CSMD1: variants seen among roughly 807,000 people sequenced by gnomAD.
The protein encoded by CSMD1 is CUB and sushi domain-containing protein 1.
A neutral mutation model predicts 417.5 loss-of-function variants in CSMD1; 213 were observed. The observed-to-expected ratio is 0.51, with a 90% CI of 0.46 to 0.57. The LOEUF (loss-of-function observed/expected upper bound fraction) is 0.57. CSMD1 is among the 20% of genes least tolerant of loss of function. The probability of loss-of-function intolerance (pLI) is 0.00; values close to 1 mark genes in which losing one functional copy is unlikely to be tolerated. For missense variants in CSMD1, 6,923 were observed against 4,529.7 expected, an observed-to-expected ratio of 1.53 and a Z score of -15.17; for synonymous variants, 2,862 against 1,736.8, an observed-to-expected ratio of 1.65 and a Z score of -16.11.
At chr8:4,540,787 C>T (rs1395805992) in intron 2 of CSMD1, among the ~76,000 whole-genome samples, 1 of 152,050 alleles carries the variant, frequency 6.6e-6, no homozygotes, top group Non-Finnish European at 1.5e-5. Flanking sequence ...CAGTGAGGTA[C>T]CTTCTGTTAT....
At chr8:4,745,308 A>T (rs1173876055) in intron 1 of CSMD1, among the ~76,000 whole-genome samples, 1 of 152,204 alleles carries the variant, frequency 6.6e-6, no homozygotes, top group Non-Finnish European at 1.5e-5. Flanking sequence ...CTAATGGATT[A>T]CACTCTGGTT....
At chr8:4,378,802 A>C (rs1040825961) in intron 3 of CSMD1, among the ~76,000 whole-genome samples, 1 of 152,154 alleles carries the variant, frequency 6.6e-6, no homozygotes, top group Admixed American at 6.5e-5. Flanking sequence ...TAAGACGTCA[A>C]GGGAGCTTTT....
intron 2 of CSMD1, among the ~76,000 whole-genome samples, chr8:4,560,166 C>T (rs1798265882): frequency 6.6e-6 from 1 of 152,218 alleles, no homozygotes; most frequent in African/African-American, 2.4e-5. Context: ...CCGCGCTCAT[C>T]TCACCGCACT....
chr8:4,213,151 T>C (rs754241114), intron 3 of CSMD1, among the ~76,000 whole-genome samples: 4 of 152,176 alleles, frequency 2.6e-5, no homozygotes, highest in Non-Finnish European at 5.9e-5. Flanking sequence ...AATTTCTTAC[T>C]AGGATATAAA....
intron 10 of CSMD1, among the ~76,000 whole-genome samples, chr8:3,526,497 A>T (rs1797759941): frequency 6.6e-6 from 1 of 152,176 alleles, no homozygotes; most frequent in African/African-American, 2.4e-5. Flanking sequence ...CTCTGGACCA[A>T]GCATCCTACA....
chr8:3,377,830 G>T (rs1307671069), intron 18 of CSMD1, among the ~76,000 whole-genome samples: 1 of 152,182 alleles, frequency 6.6e-6, no homozygotes, highest in African/African-American at 2.4e-5. Flanking sequence ...AAACTGAACT[G>T]ACTGTATTGA....
At chr8:4,944,701 C>T (rs557133839) in intron 1 of CSMD1, among the ~76,000 whole-genome samples, 3 of 152,170 alleles carry the variant, frequency 2.0e-5, no homozygotes, top group East Asian at 1.9e-4. Flanking sequence ...CTCACACCCA[C>T]GCAGATGACT....
At chr8:4,984,761 A>T (rs926161639) in intron 1 of CSMD1, among the ~76,000 whole-genome samples, 5 of 152,192 alleles carry the variant, frequency 3.3e-5, no homozygotes, top group African/African-American at 1.2e-4. Flanking sequence ...TGAACAGCAG[A>T]AGGAAAAACC....
At chr8:4,439,070 G>T (rs73658901) in intron 2 of CSMD1, among the ~76,000 whole-genome samples, 1 of 152,004 alleles carries the variant, frequency 6.6e-6, no homozygotes, top group Non-Finnish European at 1.5e-5. Context: ...TCTTATTGGC[G>T]CCATCCTATT....
chr8:4,301,463 T>G (rs1286418549), intron 3 of CSMD1, among the ~76,000 whole-genome samples: 1 of 152,198 alleles, frequency 6.6e-6, no homozygotes, highest in Admixed American at 6.5e-5. Flanking sequence ...GAGACCAGAG[T>G]GGTCCAGGAT....
chr8:3,973,323 C>G (rs144084026), intron 5 of CSMD1, among the ~76,000 whole-genome samples: 144 of 152,258 alleles, frequency 9.5e-4, no homozygotes, highest in Non-Finnish European at 1.6e-3. Flanking sequence ...AGTTGAATGT[C>G]TGCACTCTGC....
intron 3 of CSMD1, among the ~76,000 whole-genome samples, chr8:4,282,164 T>G (rs1796819897): frequency 1.3e-5 from 2 of 152,222 alleles, no homozygotes; most frequent in African/African-American, 4.8e-5. Context: ...GATTTCAAAA[T>G]AACTTCTGAA....
intron 5 of CSMD1, among the ~76,000 whole-genome samples, chr8:3,991,663 G>A (rs914949543): frequency 6.6e-6 from 1 of 152,170 alleles, no homozygotes; most frequent in African/African-American, 2.4e-5. Context: ...CACTAAGGCA[G>A]AAGGTTGCTG....
At chr8:3,194,910 G>C (rs1253736101) in intron 33 of CSMD1, among the ~76,000 whole-genome samples, 3 of 152,122 alleles carry the variant, frequency 2.0e-5, no homozygotes, top group Non-Finnish European at 2.9e-5. Flanking sequence ...ACCCAGGTTA[G>C]AGATGGTGAC....
chr8:3,043,349 T>C (rs1311052880), intron 50 of CSMD1, among the ~76,000 whole-genome samples: 3 of 152,070 alleles, frequency 2.0e-5, no homozygotes, highest in African/African-American at 7.2e-5. Context: ...CATATAACGA[T>C]ATATACAGAT....
At chr8:4,120,066 A>G (rs555062742) in intron 3 of CSMD1, among the ~76,000 whole-genome samples, 1 of 152,338 alleles carries the variant, frequency 6.6e-6, no homozygotes, top group Admixed American at 6.5e-5. Context: ...TAATTGGATT[A>G]TTTGTAATAC....
chr8:3,992,570 G>C (rs1266586117), intron 5 of CSMD1, among the ~76,000 whole-genome samples: 1 of 152,168 alleles, frequency 6.6e-6, no homozygotes, highest in Non-Finnish European at 1.5e-5. Context: ...AATTCCTTGA[G>C]TCCAGGATTT....
At chr8:3,194,561 A>C (rs867635411) in intron 33 of CSMD1, among the ~76,000 whole-genome samples, 2 of 151,482 alleles carry the variant, frequency 1.3e-5, no homozygotes, top group Non-Finnish European at 2.9e-5. Context: ...AGGTTCAAGC[A>C]ATTCTCCTGC....
At chr8:4,161,538 G>A (rs1584935017) in intron 3 of CSMD1, among the ~76,000 whole-genome samples, 2 of 152,176 alleles carry the variant, frequency 1.3e-5, no homozygotes, top group South Asian at 2.1e-4. Flanking sequence ...AGTCCACTGT[G>A]CACCTCCTAC....
Sources: gnomAD v4.1 joint callset for allele counts (sites outside exome capture counted in the v4.1 genomes callset) on GRCh38, gnomAD v4.1.1 for gene constraint, MANE v1.5 for transcripts, NCBI Gene and HGNC (gene_info 2026-07-23, HGNC 2026-07-21) for gene names.